PDE8B: variants seen among roughly 807,000 people sequenced by gnomAD.
PDE8B encodes the protein high affinity cAMP-specific and IBMX-insensitive 3',5'-cyclic phosphodiesterase 8B.
PDE8B carries 26 observed loss-of-function variants against 101.3 expected under a neutral mutation model. The ratio of observed to expected loss-of-function variants is 0.26; its 90% confidence interval spans 0.19 to 0.36. The LOEUF (loss-of-function observed/expected upper bound fraction) is 0.36. Ranked by LOEUF, PDE8B falls within the 10% of genes least tolerant of loss-of-function variation. PDE8B has a pLI of 1.00. For missense variants in PDE8B, 810 were observed against 1,163.1 expected (o/e 0.70, Z 4.42); for synonymous variants, 424 against 429.3 (o/e 0.99, Z 0.15).
At chr5:77,178,500 A>G in the PDE8B span, among the ~76,000 whole-genome samples, 1 of 152,208 alleles carries the variant, frequency 6.6e-6, no homozygotes, top group Non-Finnish European at 1.5e-5. Context: ...ATGAGTGTGA[A>G]ATAATGATAG....
At chr5:77,199,631 G>T in the PDE8B span, among the ~76,000 whole-genome samples, 46 of 152,116 alleles carry the variant, frequency 3.0e-4, no homozygotes, top group African/African-American at 1.1e-3. Context: ...GCCTATGTAG[G>T]ATATTTATAA....
the PDE8B span, among the ~76,000 whole-genome samples, chr5:77,106,909 T>G: frequency 2.6e-5 from 4 of 152,014 alleles, no homozygotes; most frequent in Non-Finnish European, 5.9e-5. Flanking sequence ...TTTATTTATT[T>G]TAATTATTAT....
intron 1 of PDE8B, among the ~76,000 whole-genome samples, chr5:77,296,946 C>T (rs1768717310): frequency 6.6e-6 from 1 of 152,140 alleles, no homozygotes; most frequent in African/African-American, 2.4e-5. Flanking sequence ...GTTTTAACTG[C>T]CTTTCCTGTA....
chr5:77,399,276 C>T (rs950327206), intron 10 of PDE8B, among the ~76,000 whole-genome samples: 6 of 152,204 alleles, frequency 3.9e-5, no homozygotes, highest in African/African-American at 9.6e-5. Context: ...GAGGCCATCC[C>T]GGAACTGGGG....
chr5:77,325,777 T>C (rs1561529983), intron 3 of PDE8B, 48 bp downstream of exon 3: 2 of 1,248,862 alleles, frequency 1.6e-6, no homozygotes, highest in East Asian at 4.6e-5. Flanking sequence ...CTTTACATCT[T>C]AAAACGAATT....
chr5:77,204,020 AT>A, the PDE8B span, among the ~76,000 whole-genome samples: 1 of 150,398 alleles, frequency 6.6e-6, no homozygotes, highest in South Asian at 2.1e-4. Context: ...TTAAAAAAAA[AT>A]TGGTATGAAT....
At chr5:77,419,139 G>T (rs547996611) in intron 18 of PDE8B, among the ~76,000 whole-genome samples, 1 of 152,188 alleles carries the variant, frequency 6.6e-6, no homozygotes, top group Admixed American at 6.5e-5. Context: ...CATCAGTATC[G>T]AGGATGGGTT....
intron 11 of PDE8B, among the ~76,000 whole-genome samples, chr5:77,401,287 T>A (rs550834828): frequency 1.3e-5 from 2 of 152,304 alleles, no homozygotes; most frequent in African/African-American, 4.8e-5. Flanking sequence ...CACACATACA[T>A]TTTAGTTAAT....
intron 1 of PDE8B, among the ~76,000 whole-genome samples, chr5:77,278,559 T>C (rs1561459539): frequency 6.6e-6 from 1 of 152,142 alleles, no homozygotes; most frequent in Non-Finnish European, 1.5e-5. Flanking sequence ...AAGCTCTGCC[T>C]CCCGGGTTCA....
At chr5:77,239,686 T>G (rs147264416) in intron 1 of PDE8B, among the ~76,000 whole-genome samples, 1 of 152,370 alleles carries the variant, frequency 6.6e-6, no homozygotes, top group African/African-American at 2.4e-5. Flanking sequence ...TCTCTTATGC[T>G]TATGTAACTT....
At chr5:77,422,427 G>T (rs189164938) in intron 20 of PDE8B, among the ~76,000 whole-genome samples, 1 of 152,116 alleles carries the variant, frequency 6.6e-6, no homozygotes. Context: ...AAAATGAAGT[G>T]TATCTCAAGG....
At chr5:77,286,040 T>C (rs1478555657) in intron 1 of PDE8B, among the ~76,000 whole-genome samples, 2 of 152,206 alleles carry the variant, frequency 1.3e-5, no homozygotes, top group Non-Finnish European at 2.9e-5. Context: ...TTAAAGTCTT[T>C]GGGAATTCCA....
rs1310293838 is a variant in PDE8B, at chr5:77,220,347, C to T, written c.339+9083C>T. Reference sequence around the variant, plus strand: ...TGATCCACTTAGCCTGATCTCCCTACGGGCAGTGGTAGAGGGGAGTTTTGC... The same window carrying T: ...TGATCCACTTAGCCTGATCTCCCTATGGGCAGTGGTAGAGGGGAGTTTTGC... On this transcript the variant is annotated intron_variant, in intron 1 of 21. Coordinates refer to ENST00000264917, the MANE Select transcript of PDE8B (RefSeq NM_003719.5). Among the ~76,000 whole-genome samples, 31 of 152,268 alleles carry T rather than the reference C, an allele frequency of 2.0e-4. 1 individual carries two copies. Among genetic ancestry groups the T allele is most frequent in the Admixed American group, 1.9e-3 (29 of 15,302 alleles).
chr5:77,343,295 T>A (rs760322992), intron 6 of PDE8B, among the ~76,000 whole-genome samples: 5 of 152,222 alleles, frequency 3.3e-5, no homozygotes, highest in Admixed American at 6.5e-5. Context: ...CGTTGGATGA[T>A]TTTGTCATTG....
intron 1 of PDE8B, among the ~76,000 whole-genome samples, chr5:77,296,931 G>C (rs565395658): frequency 1.3e-3 from 197 of 152,234 alleles, no homozygotes; most frequent in Non-Finnish European, 2.0e-3. Context: ...GTGAGTGATG[G>C]CAAGGTTTTA....
At chr5:77,340,773 G>A (rs1779086658) in intron 6 of PDE8B, among the ~76,000 whole-genome samples, 1 of 152,060 alleles carries the variant, frequency 6.6e-6, no homozygotes, top group Non-Finnish European at 1.5e-5. Context: ...TGGTGGCAGT[G>A]GTGGAGTAGA....
chr5:77,207,974 T>C (rs1255928206), upstream of PDE8B, among the ~76,000 whole-genome samples: 2 of 152,192 alleles, frequency 1.3e-5, no homozygotes, highest in Non-Finnish European at 2.9e-5. Flanking sequence ...AACAAAGAAG[T>C]TGCAGTCAAT....
chr5:77,424,383 A>G (rs1797443813), intron 20 of PDE8B, among the ~76,000 whole-genome samples: 1 of 152,234 alleles, frequency 6.6e-6, no homozygotes, highest in South Asian at 2.1e-4. Context: ...TAAAAATGAA[A>G]GTTACAAATG....
At chr5:77,088,478 T>C in the PDE8B span, 1 of 49,506 alleles carries the variant, frequency 2.0e-5, no homozygotes, top group African/African-American at 7.1e-5. Context: ...GGATGGTGAG[T>C]GCCGGGGTGG....
Sources: gnomAD v4.1 joint callset for allele counts (sites outside exome capture counted in the v4.1 genomes callset) on GRCh38, gnomAD v4.1.1 for gene constraint, MANE v1.5 for transcripts, NCBI Gene and HGNC (gene_info 2026-07-23, HGNC 2026-07-21) for gene names.